GALNT18: variants seen among roughly 807,000 people sequenced by gnomAD.
The protein encoded by GALNT18 is polypeptide N-acetylgalactosaminyltransferase 18, also known as GalNAc-transferase 18.
A neutral mutation model predicts 69.5 loss-of-function variants in GALNT18; 44 were observed. The ratio of observed to expected loss-of-function variants is 0.63; its 90% CI spans 0.50 to 0.81. The LOEUF is 0.81. Ranked by LOEUF, GALNT18 falls within the 40% of genes least tolerant of loss-of-function variation. The pLI is 0.00. For synonymous variants in GALNT18, 364 were observed against 318.2 expected (o/e 1.14, Z -1.53); for missense variants, 715 against 810.0 (o/e 0.88, Z 1.42).
In GALNT18 at chr11:11,582,643, G is replaced by C. The variant is rs975897384; in HGVS notation, c.235+38716C>G. The stretch of plus-strand genomic sequence containing the variant: ...TCGTGTGAAGCAGCGCAGACTTTCA[G>C]TATGCAGTAGAAATACACATTGAGG... On this transcript the variant is annotated intron_variant, in intron 1 of 10. Coordinates refer to ENST00000227756, the MANE Select transcript of GALNT18 (RefSeq NM_198516.3). This position sits in a 1 kb window ranked among gnomAD's most constrained non-coding sequence, Gnocchi z 5.0. Among the ~76,000 whole-genome samples the C allele has an allele frequency of 1.3e-5, 2 of 152,212 alleles. No homozygotes were observed. The highest frequency in any genetic ancestry group is 2.9e-5 in the Non-Finnish European group (2 of 68,038).
chr11:11,471,147 T>G (rs1328090860), intron 1 of GALNT18, among the ~76,000 whole-genome samples: 1 of 152,176 alleles, frequency 6.6e-6, no homozygotes, highest in African/African-American at 2.4e-5. Flanking sequence ...ACTCCTTTTT[T>G]AAGAGGTCTA....
chr11:11,531,878 C>G (rs1287930121), intron 1 of GALNT18, among the ~76,000 whole-genome samples: 1 of 152,148 alleles, frequency 6.6e-6, no homozygotes, highest in Non-Finnish European at 1.5e-5. Flanking sequence ...GGGCCAGGCC[C>G]CTTCTGATAG....
intron 1 of GALNT18, among the ~76,000 whole-genome samples, chr11:11,471,942 G>A (rs886790490): frequency 1.3e-5 from 2 of 152,236 alleles, no homozygotes; most frequent in Non-Finnish European, 2.9e-5. Context: ...GCCTGGCGAA[G>A]AGCTGGTCAG....
intron 2 of GALNT18, among the ~76,000 whole-genome samples, chr11:11,433,890 A>C (rs972807623): frequency 6.6e-6 from 1 of 152,134 alleles, no homozygotes; most frequent in Non-Finnish European, 1.5e-5. Flanking sequence ...GAGGGTTCCC[A>C]CTGAAGGCTC....
At chr11:11,275,930 C>G (rs897477500) in intron 10 of GALNT18, among the ~76,000 whole-genome samples, 3 of 152,228 alleles carry the variant, frequency 2.0e-5, no homozygotes, top group Non-Finnish European at 4.4e-5. Context: ...GTTTTGGTTA[C>G]TGTAGCCTTG....
intron 6 of GALNT18, among the ~76,000 whole-genome samples, chr11:11,357,282 A>G (rs1419822645): frequency 6.6e-6 from 1 of 151,688 alleles, no homozygotes; most frequent in South Asian, 2.1e-4. Context: ...CTACTCTCTC[A>G]AGGTCAAGTC....
Position 11,351,816 on chromosome 11 carries a change from A to G in GALNT18, c.1093-10812T>C. ...TTTTTTTATGACTGAACTACTATAA[A>G]TCCACAAGCAACGGTTCAGACACGT... On this transcript the variant is annotated intron_variant, in intron 6 of 10. Transcript: ENST00000227756. 1.5e-5 allele frequency: 12 copies of G among 822,064 alleles called. No homozygotes were observed. The South Asian group carries it at 2.0e-4, about 14-fold the overall frequency. 50.9% of individuals were successfully genotyped at this position (822,064 alleles called of 1,614,324 possible).
chr11:11,545,781 G>C (rs1254404365), intron 1 of GALNT18, among the ~76,000 whole-genome samples: 1 of 152,206 alleles, frequency 6.6e-6, no homozygotes, highest in Non-Finnish European at 1.5e-5. Flanking sequence ...AAGCTCCCTG[G>C]GGGATGGTAT....
intron 3 of GALNT18, among the ~76,000 whole-genome samples, chr11:11,419,615 A>AAAAAAAAAAAG (rs1854949698): frequency 7.6e-6 from 1 of 130,908 alleles, no homozygotes; most frequent in Non-Finnish European, 1.7e-5. Context: ...AAAAAAAAAA[A>AAAAAAAAAAAG]AAAAAAAGAA....
At chr11:11,298,580 C>T (rs1451900331) in intron 9 of GALNT18, among the ~76,000 whole-genome samples, 8 of 152,162 alleles carry the variant, frequency 5.3e-5, no homozygotes, top group South Asian at 2.1e-4. Context: ...AGCTTGGTCC[C>T]GAGGGCCACC....
rs79431865 is a variant in GALNT18, at chr11:11,590,236, G to A, written c.235+31123C>T. Among the ~76,000 whole-genome samples, 3,689 of 152,290 alleles carry A rather than the reference G, an allele frequency of 0.024. 158 individuals are homozygous for A. The highest frequency in any genetic ancestry group is 0.085 in the African/African-American group (3,518 of 41,542). Reference sequence around the variant, plus strand: ...ATGTGGTGGAAATTAGGTGCTCCATGCGAGTCCTGGCTCATGGGCACCTCC... The same window carrying A: ...ATGTGGTGGAAATTAGGTGCTCCATACGAGTCCTGGCTCATGGGCACCTCC... On this transcript the variant is annotated intron_variant, in intron 1 of 10. Coordinates refer to ENST00000227756, the MANE Select transcript of GALNT18 (RefSeq NM_198516.3). The surrounding 1 kb of genome is among the most constrained non-coding windows in gnomAD (Gnocchi z 4.4).
Position 11,506,206 on chromosome 11 carries a change from A to G in GALNT18, c.236-57270T>C, listed in dbSNP as rs538390535. ...CAGCATACAGCTCCTCTGGCAAGTGAATATAAAAAATGTACAACCAATACA... is the reference window on the plus strand; with the variant it reads ...CAGCATACAGCTCCTCTGGCAAGTGGATATAAAAAATGTACAACCAATACA... On this transcript the variant is annotated intron_variant, in intron 1 of 10. Transcript: ENST00000227756. 2.0e-5 allele frequency among the ~76,000 whole-genome samples: 3 copies of G among 152,370 alleles called. No individual in the cohort carries two copies. The East Asian group carries it at 5.8e-4, about 29-fold the overall frequency.
rs1859133138 is a variant in GALNT18 at position 11,583,391 on chromosome 11, A to G, written c.235+37968T>C. On this transcript the variant is annotated intron_variant, in intron 1 of 10. Coordinates refer to ENST00000227756, the MANE Select transcript of GALNT18 (RefSeq NM_198516.3). This position sits in a 1 kb window ranked among gnomAD's most constrained non-coding sequence, Gnocchi z 4.7. ...AGCTGACCAGTGCCAAGTACATAGG[A>G]GGAGCTCAATTCATACATTCTGAAT... Among the ~76,000 whole-genome samples, 1 of 152,230 alleles carries G rather than the reference A, an allele frequency of 6.6e-6. No homozygotes were observed. The highest frequency in any genetic ancestry group is 2.4e-5 in the African/African-American group (1 of 41,464).
At chr11:11,272,942 A>G (rs1167195232) in intron 10 of GALNT18, among the ~76,000 whole-genome samples, 1 of 152,252 alleles carries the variant, frequency 6.6e-6, no homozygotes, top group Non-Finnish European at 1.5e-5. Flanking sequence ...TCTCTACACA[A>G]TGGGGAAAGG....
At position 11,389,428 on chromosome 11, in the gene GALNT18, G is replaced by C. The variant is rs543019136; in HGVS notation, c.596-10164C>G. Among the ~76,000 whole-genome samples the C allele has an allele frequency of 2.0e-5, 3 of 152,328 alleles. No individual in the cohort carries two copies. The highest frequency in any genetic ancestry group is 3.4e-3 in the Middle Eastern group (1 of 294). ...AATGACCTTGGCAAAGGGCCACCTC[G>C]CCTTTGTACTTCCTGGGGCTGTGTG... On this transcript the variant is annotated intron_variant, in intron 3 of 10. Transcript: ENST00000227756. The surrounding 1 kb of genome is among the most constrained non-coding windows in gnomAD (Gnocchi z 4.3).
At chr11:11,422,538 T>C (rs1855033685) in intron 3 of GALNT18, among the ~76,000 whole-genome samples, 1 of 152,206 alleles carries the variant, frequency 6.6e-6, no homozygotes, top group African/African-American at 2.4e-5. Flanking sequence ...GTCTTGGTTG[T>C]AATTTGATTA....
At chr11:11,443,132 G>A (rs1855569351) in intron 2 of GALNT18, among the ~76,000 whole-genome samples, 3 of 152,328 alleles carry the variant, frequency 2.0e-5, no homozygotes, top group Middle Eastern at 3.4e-3. Flanking sequence ...GTCTGAGGCC[G>A]AAGCCGCAGA....
chr11:11,353,417 G>A (rs1341846023), intron 6 of GALNT18: 2 of 505,472 alleles, frequency 4.0e-6, no homozygotes, highest in Admixed American at 7.4e-5. Context: ...CCTTTTTGGG[G>A]GTTAAGTCCC....
At position 11,620,891 on chromosome 11, in the gene GALNT18, T is replaced by C. The variant is rs79462091; in HGVS notation, c.235+468A>G. On this transcript the variant is annotated intron_variant, in intron 1 of 10. Coordinates refer to ENST00000227756, the MANE Select transcript of GALNT18 (RefSeq NM_198516.3). The surrounding 1 kb of genome is among the most constrained non-coding windows in gnomAD (Gnocchi z 6.9). ...TCGCTTGTCCGGCAGCCTGCGGGTC[T>C]TAACTGCCAATAGTCAGGGCCGCCG... is the stretch of plus-strand genomic sequence containing the variant. Among the ~76,000 whole-genome samples the C allele has an allele frequency of 0.16, 24,797 of 152,184 alleles. 2,422 individuals carry two copies. The highest frequency in any genetic ancestry group is 0.22 in the Non-Finnish European group (14,942 of 67,986).
Sources: gnomAD v4.1 joint callset for allele counts (sites outside exome capture counted in the v4.1 genomes callset) on GRCh38, gnomAD v4.1.1 for gene constraint, Gnocchi (gnomAD v3.1) non-coding constraint, MANE v1.5 for transcripts, NCBI Gene and HGNC (gene_info 2026-07-23, HGNC 2026-07-21) for gene names.